The following USP42 variants were observed in gnomAD, a reference collection of about 807,000 sequenced individuals.
USP42 encodes the protein ubiquitin carboxyl-terminal hydrolase 42.
USP42 carries 23 observed loss-of-function variants against 113.0 expected under a neutral mutation model. The observed-to-expected ratio is 0.20, with a 90% CI of 0.15 to 0.29. USP42 has a LOEUF of 0.29. Among genes scored for constraint, USP42 ranks in the 10% least tolerant of loss-of-function variants. USP42 has a pLI of 1.00. For missense variants in USP42, 2,174 were observed against 1,779.8 expected (o/e 1.22, Z -3.99); for synonymous variants, 933 against 699.0 (o/e 1.33, Z -5.28).
At chr7:6,114,934 C>T (rs1333098750) in intron 2 of USP42, among the ~76,000 whole-genome samples, 3 of 151,844 alleles carry the variant, frequency 2.0e-5, no homozygotes, top group Non-Finnish European at 2.9e-5. Context: ...TCATAATCCG[C>T]CTGCCTCAGC....
In USP42 at chr7:6,150,315, C is replaced by T; in HGVS notation, c.2106+13C>T. The T allele has an allele frequency of 6.2e-7, 1 of 1,611,896 alleles. No individual in the cohort carries two copies. Among genetic ancestry groups the T allele is most frequent in the Non-Finnish European group, 8.5e-7 (1 of 1,178,700 alleles). On this transcript the variant is annotated intron_variant, in intron 13 of 17. Coordinates refer to ENST00000306177, the MANE Select transcript of USP42 (RefSeq NM_032172.3). ...TCTTCCTGGAAAGGTGAGTGCACGT[C>T]AGGGTCTTCAGCCTCGTTTGTGGCG...
At chr7:6,121,067 C>T (rs762634301) in intron 3 of USP42, among the ~76,000 whole-genome samples, 9 of 151,402 alleles carry the variant, frequency 5.9e-5, no homozygotes, top group African/African-American at 1.7e-4. Flanking sequence ...ATTTTATAGA[C>T]GCAACTATGT....
chr7:6,087,730 C>T, the USP42 span, among the ~76,000 whole-genome samples: 4 of 151,056 alleles, frequency 2.6e-5, no homozygotes, highest in Non-Finnish European at 4.4e-5. Flanking sequence ...ATAAGCTATA[C>T]CCTCGTCTTG....
chr7:6,111,046 C>T lies in USP42; in HGVS notation c.-9-79C>T, dbSNP rs538562724. ...ATCACTTTAAAATGGCTGGAATGAT[C>T]TTCCAAGATCTAACGGTAGGGTAAG... On this transcript the variant is annotated intron_variant, in intron 1 of 17. Transcript: ENST00000306177. 1.6e-4 allele frequency: 222 copies of T among 1,415,184 alleles called. 1 individual carries two copies. In the African/African-American group the frequency reaches 3.0e-3, roughly 19 times the overall value. The allele number at this position is 1,415,184 out of a possible 1,614,324, so 87.7% of individuals were successfully genotyped here. A position where few individuals can be genotyped will look rare whatever the true frequency, so the allele number is the denominator to read the frequency against.
At chr7:6,135,809 G>T in intron 3 of USP42, 32 bp from the exon 4 acceptor site, 1 of 1,431,676 alleles carries the variant, frequency 7.0e-7, no homozygotes, top group Non-Finnish European at 9.6e-7. Context: ...GTTGTATTTT[G>T]CTAATTTGGA....
intron 3 of USP42, among the ~76,000 whole-genome samples, chr7:6,125,180 CAACAAA>C (rs1438941853): frequency 5.6e-5 from 3 of 54,016 alleles, no homozygotes; most frequent in African/African-American, 8.1e-5. Context: ...GACTCTGTCT[CAACAAA>C]AAAAAAAAAA....
At chr7:6,091,207 TTCTTTTCTCTTCTCTTC>T in the USP42 span, among the ~76,000 whole-genome samples, 2 of 150,960 alleles carry the variant, frequency 1.3e-5, no homozygotes, top group African/African-American at 5.0e-5. Flanking sequence ...TTACACACTT[TTCTTTTCTCTTCTCTTC>T]TCTTTTCTTT....
At position 6,147,789 on chromosome 7, in the gene USP42, C is replaced by T; in HGVS notation, c.1283C>T (p.Pro428Leu). Residue 428 changes from proline (P) to leucine (L), a missense_variant, in exon 12 of 18, where the codon CCC becomes CTC. Pro to Leu is a moderately conservative substitution (Grantham distance 98). Transcript: ENST00000306177. Reference protein sequence around the residue: ...GGELTHPTHSPGQSSPRPVIS... With the variant: ...GGELTHPTHSLGQSSPRPVIS... ...GAACTTACTCATCCCACCCATAGCC[C>T]CGGCCAGTCCTCTCCCCGCCCCGTC... 1 of 1,610,246 alleles carries T rather than the reference C, an allele frequency of 6.2e-7. No individual in the cohort carries two copies. Among genetic ancestry groups the T allele is most frequent in the South Asian group, 1.1e-5 (1 of 90,720 alleles).
the USP42 span, among the ~76,000 whole-genome samples, chr7:6,087,006 A>G: frequency 6.8e-6 from 1 of 147,436 alleles, no homozygotes; most frequent in East Asian, 2.0e-4. Flanking sequence ...GGGATTACAG[A>G]TGTGAGCCAC....
At chr7:6,140,321 C>G in intron 6 of USP42, 126 bp downstream of exon 6, 2 of 876,882 alleles carry the variant, frequency 2.3e-6, no homozygotes, top group South Asian at 1.7e-5. Context: ...GATTCTCATT[C>G]CTTTTACCCA....
At chr7:6,086,962 G>T in the USP42 span, among the ~76,000 whole-genome samples, 1 of 149,404 alleles carries the variant, frequency 6.7e-6, no homozygotes, top group Non-Finnish European at 1.5e-5. Flanking sequence ...TCCTGACTTC[G>T]GGTGATTTGC....
chr7:6,139,174 A>G lies in USP42; in HGVS notation c.636A>G (p.Ala212=), dbSNP rs541637048. Residue 212 remains alanine, a synonymous_variant, in exon 5 of 18, where the codon GCA becomes GCG. Transcript: ENST00000306177. This position sits in a 1 kb window ranked among gnomAD's most constrained non-coding sequence, Gnocchi z 4.5. ...LQYTVDAMQK[A]CLNGSNKLDR... Reference sequence around the variant, plus strand: ...ACACTGTTGATGCTATGCAGAAAGCATGCTTGAATGGCAGCAATAAGTAAG... The same window carrying G: ...ACACTGTTGATGCTATGCAGAAAGCGTGCTTGAATGGCAGCAATAAGTAAG... 5.0e-6 allele frequency: 8 copies of G among 1,606,336 alleles called. No homozygotes were observed. The South Asian group carries it at 5.6e-5, about 11-fold the overall frequency.
Position 6,153,858 on chromosome 7 carries a change from C to G in USP42, c.2304C>G (p.Gly768=). ...ESLEEPDAAA[G]LSSTKKAPPP... ...TGGAGGAGCCAGATGCGGCCGCCGG[C>G]CTCAGCAGCACCAAGAAGGCTCCGC... Residue 768 remains glycine, a synonymous_variant, in exon 15 of 18, where the codon GGC becomes GGG. Transcript: ENST00000306177. 3 of 1,553,184 alleles carry G rather than the reference C, an allele frequency of 1.9e-6. No individual in the cohort carries two copies. The highest frequency in any genetic ancestry group is 2.6e-6 in the Non-Finnish European group (3 of 1,149,862).
intron 4 of USP42, among the ~76,000 whole-genome samples, chr7:6,137,997 A>G (rs1218260661): frequency 1.3e-5 from 2 of 152,204 alleles, no homozygotes; most frequent in Admixed American, 6.5e-5. Context: ...TTATTTTTAT[A>G]CATATTTATA....
intron 1 of USP42, among the ~76,000 whole-genome samples, chr7:6,107,546 A>G (rs1353371198): frequency 3.3e-5 from 5 of 151,126 alleles, no homozygotes; most frequent in African/African-American, 1.2e-4. Context: ...AGTAGCTGGG[A>G]TTACAGGCAT....
intron 3 of USP42, among the ~76,000 whole-genome samples, chr7:6,126,915 G>A (rs1056474917): frequency 1.6e-4 from 24 of 152,336 alleles, no homozygotes; most frequent in Admixed American, 5.9e-4. Context: ...TTATATGGTA[G>A]TTGCATATTT....
chr7:6,118,647 G>A (rs143192843), intron 3 of USP42, among the ~76,000 whole-genome samples: 111 of 152,090 alleles, frequency 7.3e-4, no homozygotes, highest in African/African-American at 2.6e-3. Context: ...GGTCCATTTT[G>A]AGTTAATTTT....
intron 2 of USP42, among the ~76,000 whole-genome samples, chr7:6,114,426 C>G (rs545588834): frequency 1.3e-5 from 2 of 151,846 alleles, no homozygotes; most frequent in African/African-American, 4.8e-5. Flanking sequence ...TATCAACTTA[C>G]GGGCAGTGAT....
intron 3 of USP42, among the ~76,000 whole-genome samples, chr7:6,116,027 C>T (rs976085174): frequency 6.7e-6 from 1 of 150,282 alleles, no homozygotes; most frequent in Non-Finnish European, 1.5e-5. Context: ...TCACCTGAGT[C>T]TGGAAGGTTG....
Sources: allele counts gnomAD v4.1 joint callset (sites outside exome capture counted in the v4.1 genomes callset), GRCh38; gene constraint gnomAD v4.1.1; non-coding constraint Gnocchi (gnomAD v3.1); transcripts MANE v1.5; gene names NCBI Gene and HGNC (gene_info 2026-07-23, HGNC 2026-07-21).